LDAH: variants seen among roughly 807,000 people sequenced by gnomAD.
The protein encoded by LDAH is lipid droplet-associated hydrolase.
In LDAH, 26 loss-of-function variants were observed where a neutral mutation model predicts 29.6. The ratio of observed to expected loss-of-function variants is 0.88; its 90% CI spans 0.64 to 1.22. LDAH has a LOEUF of 1.22. Ranked by LOEUF, LDAH falls within the 50% of genes most tolerant of loss-of-function variation. LDAH has a pLI of 0.00. For synonymous variants in LDAH, 117 were observed against 133.0 expected (o/e 0.88, Z 0.83); for missense variants, 344 against 387.3 (o/e 0.89, Z 0.94).
Position 20,777,886 on chromosome 2 carries a change from A to C in LDAH, c.299-2907T>G, listed in dbSNP as rs925592202. 2.1e-4 allele frequency among the ~76,000 whole-genome samples: 32 copies of C among 152,310 alleles called. No individual in the cohort carries two copies. The South Asian group carries it at 2.9e-3, about 14-fold the overall frequency. On this transcript the variant is annotated intron_variant, in intron 3 of 6. Coordinates refer to ENST00000237822, the MANE Select transcript of LDAH (RefSeq NM_021925.4). ...TTACTCTCCAAAAAATGTAGAAAAA[A>C]TTACATTCAATTGTATCAAAACCAG... is the stretch of plus-strand genomic sequence containing the variant.
At chr2:20,813,726 T>C (rs2125151478) in intron 1 of LDAH, among the ~76,000 whole-genome samples, 1 of 152,354 alleles carries the variant, frequency 6.6e-6, no homozygotes, top group Middle Eastern at 3.4e-3. Context: ...AACCCTATCA[T>C]CACTAAGTGA....
chr2:20,692,609 T>C (rs1036057389), intron 6 of LDAH, among the ~76,000 whole-genome samples: 7 of 152,238 alleles, frequency 4.6e-5, no homozygotes, highest in Non-Finnish European at 8.8e-5. Flanking sequence ...TGCATATATA[T>C]ATTTGTTGTT....
At chr2:20,710,621 GAT>G (rs1425980239) in intron 5 of LDAH, among the ~76,000 whole-genome samples, 166 of 125,480 alleles carry the variant, frequency 1.3e-3, no homozygotes, top group African/African-American at 4.6e-3. Context: ...TATATATATA[GAT>G]ATATATATAT....
At position 20,685,406 on chromosome 2, in the gene LDAH, T is replaced by C; in HGVS notation, c.*1497A>G. ...AATAAAGGATCTGTGTACAGCCCTG[T>C]GCTTACGGCCTATGTATCTATTAGC... On this transcript the variant is annotated 3_prime_UTR_variant, in exon 7 of 7. Transcript: ENST00000237822. The C allele has an allele frequency of 9.4e-7, 1 of 1,063,038 alleles. No individual in the cohort carries two copies. The highest frequency in any genetic ancestry group is 1.3e-6 in the Non-Finnish European group (1 of 755,794). 65.9% of individuals were successfully genotyped at this position (1,063,038 alleles called of 1,614,324 possible).
Position 20,812,949 on chromosome 2 carries a change from AAT to A in LDAH, c.-3+10086_-3+10087del, listed in dbSNP as rs539397478. On this transcript the variant is annotated intron_variant, in intron 1 of 6. Transcript: ENST00000237822. ...TTATTTCATCCTCCCACCCCAAGAA[AAT>A]ATGTGAGAAAATTGATTCAAAGACA... is the stretch of plus-strand genomic sequence containing the variant. Among the ~76,000 whole-genome samples the A allele has an allele frequency of 3.9e-5, 6 of 152,278 alleles. No homozygotes were observed. In the South Asian group the frequency reaches 1.2e-3, roughly 32 times the overall value.
intron 4 of LDAH, among the ~76,000 whole-genome samples, chr2:20,773,587 A>G (rs1669578476): frequency 6.6e-6 from 1 of 152,224 alleles, no homozygotes. Context: ...TACAGAGAAC[A>G]GAGTACAATC....
At chr2:20,774,689 A>G in intron 4 of LDAH, 121 bp downstream of exon 4, 1 of 963,316 alleles carries the variant, frequency 1.0e-6, no homozygotes, top group Non-Finnish European at 1.6e-6. Context: ...CAGAAAGCAA[A>G]TATCCCTCTC....
Position 20,807,613 on chromosome 2 carries a change from A to G in LDAH, c.-2-6148T>C, listed in dbSNP as rs1203278566. On this transcript the variant is annotated intron_variant, in intron 1 of 6. Transcript: ENST00000237822. ...CTTATATAATCATCTCAATTGATAC[A>G]GAAAATATTTCATAAAATCCAATAG... Among the ~76,000 whole-genome samples the G allele has an allele frequency of 2.0e-5, 3 of 152,222 alleles. No homozygotes were observed. The East Asian group carries it at 5.8e-4, about 29-fold the overall frequency.
rs180847262 is a variant in LDAH, at chr2:20,708,324, T to G, written c.704-6672A>C. ...GGAGTAAAATTAGCCCTAAACCAAA[T>G]GCCATTCTGGTACCAACTAACAGCC... On this transcript the variant is annotated intron_variant, in intron 5 of 6. Transcript: ENST00000237822. Among the ~76,000 whole-genome samples the G allele has an allele frequency of 3.1e-3, 472 of 152,132 alleles. 6 individuals are homozygous for G. Among genetic ancestry groups the G allele is most frequent in the Middle Eastern group, 3.4e-3 (1 of 294 alleles).
intron 1 of LDAH, among the ~76,000 whole-genome samples, chr2:20,820,158 A>C (rs1286832285): frequency 6.6e-6 from 1 of 152,120 alleles, no homozygotes; most frequent in African/African-American, 2.4e-5. Context: ...ATGGATAGGA[A>C]GAATCAATAT....
intron 5 of LDAH, among the ~76,000 whole-genome samples, chr2:20,712,921 C>A (rs915968852): frequency 6.6e-6 from 1 of 152,064 alleles, no homozygotes; most frequent in Non-Finnish European, 1.5e-5. Context: ...GATTAGTGTA[C>A]CTGAAAGTGA....
chr2:20,816,327 G>C (rs1286978995), intron 1 of LDAH, among the ~76,000 whole-genome samples: 1 of 152,092 alleles, frequency 6.6e-6, no homozygotes, highest in Non-Finnish European at 1.5e-5. Context: ...AAAAGACAGA[G>C]ATTGGCAGAG....
chr2:20,736,094 A>G (rs113157044), intron 5 of LDAH, among the ~76,000 whole-genome samples: 4,985 of 152,228 alleles, frequency 0.033, 257 homozygotes, highest in African/African-American at 0.11. Context: ...CATGACTGGA[A>G]ATGGCTGGAG....
chr2:20,700,208 A>G lies in LDAH; in HGVS notation c.786+1362T>C, dbSNP rs576905354. On this transcript the variant is annotated intron_variant, in intron 6 of 6. Coordinates refer to ENST00000237822, the MANE Select transcript of LDAH (RefSeq NM_021925.4). ...GACTGGAAGTAGCTGAAAGCCCTGG[A>G]GAGGGGGCCCTCCTGAGGCCCCAGC... Among the ~76,000 whole-genome samples the G allele has an allele frequency of 2.6e-5, 4 of 152,370 alleles. No homozygotes were observed. In the East Asian group the frequency reaches 7.7e-4, roughly 29 times the overall value.
intron 4 of LDAH, among the ~76,000 whole-genome samples, chr2:20,769,915 A>C (rs1234042297): frequency 2.6e-5 from 4 of 152,224 alleles, no homozygotes; most frequent in African/African-American, 9.6e-5. Context: ...GAAGTAGGGA[A>C]GAGAAGAAGT....
intron 4 of LDAH, among the ~76,000 whole-genome samples, chr2:20,756,265 C>T (rs575441975): frequency 1.3e-5 from 2 of 152,188 alleles, no homozygotes; most frequent in South Asian, 4.2e-4. Flanking sequence ...GAACTCCTGA[C>T]CTCAGGTGAT....
chr2:20,696,771 G>C (rs748411496), intron 6 of LDAH, among the ~76,000 whole-genome samples: 42 of 152,160 alleles, frequency 2.8e-4, no homozygotes, highest in Non-Finnish European at 2.4e-4. Context: ...TCATGAAACA[G>C]AGAATACTCC....
intron 4 of LDAH, among the ~76,000 whole-genome samples, chr2:20,742,917 G>T (rs550620955): frequency 6.7e-6 from 1 of 148,606 alleles, no homozygotes; most frequent in Non-Finnish European, 1.5e-5. Context: ...ACACCACCAC[G>T]CCTGGCTAAT....
chr2:20,737,188 G>A (rs1572511685), intron 5 of LDAH, among the ~76,000 whole-genome samples: 1 of 152,214 alleles, frequency 6.6e-6, no homozygotes, highest in South Asian at 2.1e-4. Context: ...CACTGTGTTT[G>A]TTCCTTGGGT....
Sources: allele counts gnomAD v4.1 joint callset (sites outside exome capture counted in the v4.1 genomes callset), GRCh38; gene constraint gnomAD v4.1.1; transcripts MANE v1.5; gene names NCBI Gene and HGNC (gene_info 2026-07-23, HGNC 2026-07-21).